Variants in CYP3A43 observed in about 807,000 individuals in gnomAD.
CYP3A43 encodes the protein cytochrome P450 family 3 subfamily A member 43.
A neutral mutation model predicts 58.0 loss-of-function variants in CYP3A43; 45 were observed. That is an observed-to-expected ratio of 0.78 (90% confidence interval 0.61 to 0.99). The LOEUF is 0.99. Ranked by LOEUF, CYP3A43 falls within the 50% of genes least tolerant of loss-of-function variation. The pLI, the probability that CYP3A43 is intolerant of heterozygous loss-of-function variation, is 0.00. For missense variants in CYP3A43, 593 were observed against 591.9 expected, an observed-to-expected ratio of 1.00 and a Z score of -0.02; for synonymous variants, 191 against 201.4, an observed-to-expected ratio of 0.95 and a Z score of 0.44.
rs1817944796 is a variant in CYP3A43 at position 99,855,619 on chromosome 7, T to G, written c.699T>G (p.Phe233Leu). ...TCTTTCCATTTCTTACCCCAGTTTT[T>G]GAAGCCCTAAATATCGGTTTGTTTC... ...ISLFPFLTPVFEALNIGLFPK... is the reference protein window; with the variant it reads ...ISLFPFLTPVLEALNIGLFPK... The change falls in exon 8 of 13, where the codon TTT becomes TTG. Residue 233 changes from phenylalanine to leucine, a missense_variant. Physicochemically the swap from Phe to Leu is conservative, Grantham distance 22. Transcript: ENST00000354829. 6.2e-7 allele frequency: 1 copy of G among 1,612,522 alleles called. No individual in the cohort carries two copies. Among genetic ancestry groups the G allele is most frequent in the South Asian group, 1.1e-5 (1 of 90,676 alleles).
At chr7:99,855,541 C>T (rs774422007) in intron 7 of CYP3A43, 50 bp from the exon 8 acceptor site, 29 of 1,557,600 alleles carry the variant, frequency 1.9e-5, no homozygotes, top group Middle Eastern at 3.7e-4. Context: ...GTAAATTTCA[C>T]ATTTTTCACT....
In CYP3A43 at chr7:99,844,230, C is replaced by T. The variant is rs1347345025; in HGVS notation, c.306C>T (p.Phe102=). Residue 102 remains phenylalanine, a synonymous_variant, in exon 4 of 13, where the codon TTC becomes TTT. Coordinates refer to ENST00000354829, the MANE Select transcript of CYP3A43 (RefSeq NM_057095.3). ...TAGTGAAAGAATGTTACTCTGTCTTCACAAACCAGATGGTAGGCCTATATT... is the reference window on the plus strand; with the variant it reads ...TAGTGAAAGAATGTTACTCTGTCTTTACAAACCAGATGGTAGGCCTATATT... The part of the protein sequence containing the change: ...TVLVKECYSV[F]TNQMPLGPMG... 10 of 1,613,516 alleles carry T rather than the reference C, an allele frequency of 6.2e-6. No homozygotes were observed. Among genetic ancestry groups the T allele is most frequent in the African/African-American group, 1.3e-5 (1 of 74,910 alleles).
rs147376932 is a variant in CYP3A43, at chr7:99,846,830, G to T, written c.319-658G>T. Among the ~76,000 whole-genome samples the T allele has an allele frequency of 3.9e-3, 601 of 152,218 alleles. 2 individuals are homozygous for T. The highest frequency in any genetic ancestry group is 8.8e-3 in the Admixed American group (135 of 15,298). The stretch of plus-strand genomic sequence containing the variant: ...TTGAAATTATCCATTTTAAAATACA[G>T]TTTTGAAAGATGGAAGAAGGTTTCA... On this transcript the variant is annotated intron_variant, in intron 4 of 12. Transcript: ENST00000354829.
At chr7:99,847,431 A>T in intron 4 of CYP3A43, 57 bp from the exon 5 acceptor site, 2 of 1,555,170 alleles carry the variant, frequency 1.3e-6, no homozygotes, top group Non-Finnish European at 1.8e-6. Flanking sequence ...CATTTTCTAC[A>T]ACTATGGAGA....
intron 1 of CYP3A43, among the ~76,000 whole-genome samples, chr7:99,832,300 A>G (rs1816876364): frequency 6.6e-6 from 1 of 151,934 alleles, no homozygotes; most frequent in South Asian, 2.1e-4. Context: ...TCCCCAGCCA[A>G]ATCTCATCTT....
intron 8 of CYP3A43, 147 bp from the exon 9 acceptor site, chr7:99,856,686 A>G: frequency 1.3e-6 from 1 of 744,404 alleles, no homozygotes; most frequent in Non-Finnish European, 2.3e-6. Flanking sequence ...ATTTTATTCT[A>G]AACATTGGTG....
At position 99,849,658 on chromosome 7, in the gene CYP3A43, A is replaced by G; in HGVS notation, c.634A>G (p.Lys212Glu). 1.2e-6 allele frequency: 2 copies of G among 1,610,234 alleles called. No individual in the cohort carries two copies. Among genetic ancestry groups the G allele is most frequent in the Non-Finnish European group, 1.7e-6 (2 of 1,179,144 alleles). Residue 212 changes from lysine to glutamate, a missense_variant, in exon 7 of 13, where the codon AAA becomes GAA. Coordinates refer to ENST00000354829, the MANE Select transcript of CYP3A43 (RefSeq NM_057095.3). ...TCTGAAAAATATGAAGAAGCTTTTA[A>G]AATTGGATTTTTTGGATCCCTTTTT... Reference protein sequence around the residue: ...PFLKNMKKLLKLDFLDPFLLL... With the variant: ...PFLKNMKKLLELDFLDPFLLL...
intron 9 of CYP3A43, among the ~76,000 whole-genome samples, chr7:99,859,447 C>T (rs1374153587): frequency 6.6e-6 from 1 of 152,168 alleles, no homozygotes; most frequent in Non-Finnish European, 1.5e-5. Flanking sequence ...TAAATCTTCC[C>T]TGGGGAGAAT....
At chr7:99,835,422 G>A (rs1241386724) in intron 1 of CYP3A43, among the ~76,000 whole-genome samples, 2 of 152,170 alleles carry the variant, frequency 1.3e-5, no homozygotes, top group Non-Finnish European at 2.9e-5. Flanking sequence ...GGTTTTTTAG[G>A]ATTATGAACA....
chr7:99,865,780 G>T (rs1818420800), intron 12 of CYP3A43, 126 bp from the exon 13 acceptor site: 3 of 557,754 alleles, frequency 5.4e-6, no homozygotes, highest in Non-Finnish European at 9.1e-6. Flanking sequence ...CAACATGTAT[G>T]GTGCTGAAAG....
At chr7:99,844,289 T>A in intron 4 of CYP3A43, 47 bp downstream of exon 4, 1 of 1,558,560 alleles carries the variant, frequency 6.4e-7, no homozygotes, top group Non-Finnish European at 8.7e-7. Flanking sequence ...TATTCTTAAA[T>A]GATTATATAT....
intron 7 of CYP3A43, 160 bp from the exon 8 acceptor site, chr7:99,855,431 G>A: frequency 2.2e-6 from 2 of 924,080 alleles, no homozygotes; most frequent in Non-Finnish European, 1.5e-6. Flanking sequence ...ATGGAAGAGG[G>A]GCAAAGGTCA....
At chr7:99,851,210 T>C (rs1276963736) in intron 7 of CYP3A43, among the ~76,000 whole-genome samples, 1 of 152,216 alleles carries the variant, frequency 6.6e-6, no homozygotes, top group Non-Finnish European at 1.5e-5. Flanking sequence ...TCATAGTTGA[T>C]GGACATTTGT....
chr7:99,839,017 C>T (rs2151595778), intron 2 of CYP3A43, 103 bp from the exon 3 acceptor site: 1 of 1,332,444 alleles, frequency 7.5e-7, no homozygotes, highest in Non-Finnish European at 1.1e-6. Flanking sequence ...GGTAGCAAGC[C>T]TAATGGTAGC....
At chr7:99,839,481 T>G in intron 3 of CYP3A43, 1 of 558,818 alleles carries the variant, frequency 1.8e-6, no homozygotes, top group East Asian at 4.2e-5. Context: ...CTGCCTTCCT[T>G]TTTTCCCCAG....
chr7:99,851,922 G>T (rs1205371890), intron 7 of CYP3A43, among the ~76,000 whole-genome samples: 1 of 152,102 alleles, frequency 6.6e-6, no homozygotes, highest in Non-Finnish European at 1.5e-5. Context: ...TCTTTTAAGG[G>T]TTGTATAGTT....
chr7:99,834,066 T>A (rs371870894), intron 1 of CYP3A43, among the ~76,000 whole-genome samples: 49 of 152,256 alleles, frequency 3.2e-4, no homozygotes, highest in African/African-American at 1.0e-3. Context: ...TAAGCAACAA[T>A]TGGTTAAATT....
chr7:99,863,741 T>TCCCAA, intron 12 of CYP3A43, 42 bp downstream of exon 12: 1 of 1,438,756 alleles, frequency 7.0e-7, no homozygotes, highest in African/African-American at 1.4e-5. Flanking sequence ...TGGGAGTTTT[T>TCCCAA]TAAACTGAGA....
At chr7:99,841,284 G>A (rs1328350744) in intron 3 of CYP3A43, among the ~76,000 whole-genome samples, 1 of 152,078 alleles carries the variant, frequency 6.6e-6, no homozygotes, top group Non-Finnish European at 1.5e-5. Context: ...TTACCAATTC[G>A]TGGCCCCCTC....
Sources: allele counts gnomAD v4.1 joint callset (sites outside exome capture counted in the v4.1 genomes callset), GRCh38; gene constraint gnomAD v4.1.1; transcripts MANE v1.5; gene names NCBI Gene and HGNC (gene_info 2026-07-23, HGNC 2026-07-21).